Variants in DGKB observed in about 807,000 individuals in gnomAD.
DGKB encodes the protein diacylglycerol kinase beta.
A neutral mutation model predicts 114.3 loss-of-function variants in DGKB; 67 were observed. The observed-to-expected ratio is 0.59, with a 90% confidence interval of 0.48 to 0.72. DGKB has a LOEUF of 0.72. DGKB is among the 30% of genes least tolerant of loss of function. The pLI, the probability that DGKB is intolerant of heterozygous loss-of-function variation, is 0.00. For synonymous variants in DGKB, 398 were observed against 323.1 expected (o/e 1.23, Z -2.49); for missense variants, 907 against 975.2 (o/e 0.93, Z 0.93).
At chr7:14,507,710 C>A (rs1479388624) in intron 20 of DGKB, among the ~76,000 whole-genome samples, 1 of 152,160 alleles carries the variant, frequency 6.6e-6, no homozygotes, top group African/African-American at 2.4e-5. Context: ...CGTCTTGCAG[C>A]ATTCTATGTA....
At chr7:14,223,572 TAATTC>T (rs1166363754) in intron 23 of DGKB, among the ~76,000 whole-genome samples, 1 of 151,834 alleles carries the variant, frequency 6.6e-6, no homozygotes, top group East Asian at 1.9e-4. Flanking sequence ...CTATCTTTTA[TAATTC>T]AATAACTATA....
chr7:14,222,432 T>A (rs1790137058), intron 23 of DGKB, among the ~76,000 whole-genome samples: 1 of 151,342 alleles, frequency 6.6e-6, no homozygotes, highest in South Asian at 2.1e-4. Context: ...GAATTTTCAA[T>A]GTTAGTAAAT....
chr7:14,954,056 T>C (rs1297820812), intron 1 of DGKB, among the ~76,000 whole-genome samples: 1 of 152,040 alleles, frequency 6.6e-6, no homozygotes, highest in Non-Finnish European at 1.5e-5. Context: ...TCTAATCACT[T>C]TATTAGGGGA....
chr7:14,601,325 G>A (rs144738740), intron 17 of DGKB, among the ~76,000 whole-genome samples: 1 of 151,920 alleles, frequency 6.6e-6, no homozygotes, highest in Non-Finnish European at 1.5e-5. Flanking sequence ...TGTCCTCAAG[G>A]CCCTGACACT....
intron 4 of DGKB, among the ~76,000 whole-genome samples, chr7:14,741,052 GA>G (rs1046563368): frequency 6.6e-6 from 1 of 152,014 alleles, no homozygotes; most frequent in Non-Finnish European, 1.5e-5. Flanking sequence ...GGGCTCCTTT[GA>G]AAAAAATGCC....
Position 14,149,238 on chromosome 7 carries a change from T to G in DGKB, c.2305A>C (p.Ile769Leu). 6.2e-7 allele frequency: 1 copy of G among 1,607,108 alleles called. No homozygotes were observed. The highest frequency in any genetic ancestry group is 8.5e-7 in the Non-Finnish European group (1 of 1,176,448). Reference protein sequence around the residue: ...GEPWMQTPCTIKITHKNQAPM... With the variant: ...GEPWMQTPCTLKITHKNQAPM... ...GCTTGGTTCTTGTGTGTAATTTTTA[T>G]CTAGAAAAAAAGAGAGAGAGAGAGA... Residue 769 changes from isoleucine (I) to leucine (L), a missense_variant and splice_region_variant, in exon 26 of 26, where the codon ATA becomes CTA. Physicochemically the swap from Ile to Leu is conservative, Grantham distance 5 (BLOSUM62 2). Around this residue, in one of 3 missense-constraint regions of DGKB, gnomAD observed 58 missense variants for 52.5 expected, o/e 1.10. Transcript: ENST00000402815.
intron 1 of DGKB, among the ~76,000 whole-genome samples, chr7:14,893,641 A>T (rs574536506): frequency 6.6e-6 from 1 of 151,444 alleles, no homozygotes; most frequent in East Asian, 1.9e-4. Flanking sequence ...TCACTCTAGA[A>T]TTACACTTGA....
rs551618345 is a variant in DGKB, at chr7:14,689,199, A to ATTTTTTTTTTTTTTTTTTTT, written c.712-3857_712-3838dup. On this transcript the variant is annotated intron_variant, in intron 9 of 25. Coordinates refer to ENST00000402815, the MANE Select transcript of DGKB (RefSeq NM_001350709.2). Reference sequence around the variant, plus strand: ...TGACAATGTGACAGAAACTCCTCTTATTTTTTTTTTTTTTTTTTTTTTTTT... The same window carrying ATTTTTTTTTTTTTTTTTTTT: ...TGACAATGTGACAGAAACTCCTCTTATTTTTTTTTTTTTTTTTTTTTTTTTTTTTTTTTTTTTTTTTTTTT... 8.2e-4 allele frequency among the ~76,000 whole-genome samples: 63 copies of ATTTTTTTTTTTTTTTTTTTT among 76,564 alleles called. 14 individuals carry two copies. The highest frequency in any genetic ancestry group is 2.1e-3 in the East Asian group (3 of 1,424). The allele number at this position is 76,564 out of a possible 152,430, so 50.2% of individuals were successfully genotyped here. A position where few individuals can be genotyped will look rare whatever the true frequency, so the allele number is the denominator to read the frequency against.
chr7:14,786,227 C>T (rs372305262), intron 2 of DGKB, among the ~76,000 whole-genome samples: 2 of 152,060 alleles, frequency 1.3e-5, no homozygotes, highest in Non-Finnish European at 2.9e-5. Flanking sequence ...ACTTGGATAT[C>T]TACAAATAAC....
intron 2 of DGKB, among the ~76,000 whole-genome samples, chr7:14,772,583 A>T (rs547442478): frequency 6.6e-6 from 1 of 152,338 alleles, no homozygotes; most frequent in East Asian, 1.9e-4. Flanking sequence ...TAAAGTTTAG[A>T]TCACATAGAT....
intron 3 of DGKB, among the ~76,000 whole-genome samples, chr7:14,757,058 C>T (rs1834978685): frequency 6.6e-6 from 1 of 152,016 alleles, no homozygotes; most frequent in Non-Finnish European, 1.5e-5. Context: ...AAATCTTAAG[C>T]TTACTGGTAA....
intron 21 of DGKB, among the ~76,000 whole-genome samples, chr7:14,378,196 C>A (rs991817426): frequency 2.0e-5 from 3 of 152,088 alleles, no homozygotes; most frequent in African/African-American, 7.2e-5. Context: ...TGATTCTAGG[C>A]TCATGGGGTC....
At chr7:14,493,398 ATAAC>A (rs910007065) in intron 20 of DGKB, among the ~76,000 whole-genome samples, 2 of 152,240 alleles carry the variant, frequency 1.3e-5, no homozygotes, top group East Asian at 3.9e-4. Flanking sequence ...AATAATAACA[ATAAC>A]TAATAATAAA....
chr7:14,621,440 CTTTG>C lies in DGKB; in HGVS notation c.1218_1221del (p.Asn406LysfsTer2). The C allele has an allele frequency of 1.2e-6, 2 of 1,611,256 alleles. No individual in the cohort carries two copies. Among genetic ancestry groups the C allele is most frequent in the Non-Finnish European group, 1.7e-6 (2 of 1,178,548 alleles). On this transcript the variant is annotated frameshift_variant, in exon 15 of 26. Coordinates refer to ENST00000402815, the MANE Select transcript of DGKB (RefSeq NM_001350709.2). LOFTEE classifies it high-confidence loss of function. ...CTTTGCATTTTATTCTTGTCAATCA[CTTTG>C]TTTGGCTGCTGGGAACCACTCTTTT...
At chr7:14,471,733 C>T (rs1417450733) in intron 21 of DGKB, among the ~76,000 whole-genome samples, 2 of 151,896 alleles carry the variant, frequency 1.3e-5, no homozygotes, top group Non-Finnish European at 2.9e-5. Context: ...ATCTTTATTG[C>T]ATTTTTTGCA....
chr7:14,728,842 A>C (rs1259043287), intron 5 of DGKB, among the ~76,000 whole-genome samples: 1 of 151,718 alleles, frequency 6.6e-6, no homozygotes, highest in Non-Finnish European at 1.5e-5. Flanking sequence ...AACTAGGATT[A>C]CAGGTGTGCA....
intron 23 of DGKB, among the ~76,000 whole-genome samples, chr7:14,187,307 C>A (rs1430525815): frequency 6.6e-6 from 1 of 152,126 alleles, no homozygotes; most frequent in Non-Finnish European, 1.5e-5. Context: ...AGCAGACAAA[C>A]CTCCCTGGAC....
intron 21 of DGKB, among the ~76,000 whole-genome samples, chr7:14,460,261 A>C (rs1462130271): frequency 6.6e-6 from 1 of 152,156 alleles, no homozygotes. Context: ...TTAACCTTAA[A>C]TGTAAATGGG....
intron 21 of DGKB, among the ~76,000 whole-genome samples, chr7:14,354,761 T>A (rs1361817272): frequency 6.6e-6 from 1 of 152,166 alleles, no homozygotes; most frequent in Non-Finnish European, 1.5e-5. Flanking sequence ...ATATAATTAA[T>A]AGGATGTCTT....
Sources: allele counts gnomAD v4.1 joint callset (sites outside exome capture counted in the v4.1 genomes callset), GRCh38; gene constraint gnomAD v4.1.1; regional missense constraint gnomAD v4.1.1; transcripts MANE v1.5; gene names NCBI Gene and HGNC (gene_info 2026-07-23, HGNC 2026-07-21).